Variants in SQOR observed in about 807,000 individuals in gnomAD.
SQOR encodes the protein sulfide:quinone oxidoreductase, mitochondrial.
In SQOR, 39 loss-of-function variants were observed where a neutral mutation model predicts 48.6. The observed-to-expected ratio is 0.80, with a 90% CI of 0.62 to 1.05. SQOR has a LOEUF of 1.05. SQOR is among the 50% of genes least tolerant of loss of function. SQOR has a pLI of 0.00. For synonymous variants in SQOR, 220 were observed against 206.2 expected, an observed-to-expected ratio of 1.07 and a Z score of -0.57; for missense variants, 561 against 559.9, an observed-to-expected ratio of 1.00 and a Z score of -0.02.
rs550156359 is a variant in SQOR at position 45,663,270 on chromosome 15, A to G, written c.405+1145A>G. On this transcript the variant is annotated intron_variant, in intron 3 of 9. Coordinates refer to ENST00000260324, the MANE Select transcript of SQOR (RefSeq NM_021199.4). The stretch of plus-strand genomic sequence containing the variant: ...TGACCTCAAGTGATCCACCTGCCTC[A>G]GCCTCCCAAAGTGTTGGGATTATAG... Among the ~76,000 whole-genome samples, 269 of 152,212 alleles carry G rather than the reference A, an allele frequency of 1.8e-3. 1 individual carries two copies. Among genetic ancestry groups the G allele is most frequent in the African/African-American group, 6.4e-3 (264 of 41,550 alleles).
intron 4 of SQOR, among the ~76,000 whole-genome samples, chr15:45,672,803 A>G (rs1889967872): frequency 6.6e-6 from 1 of 152,240 alleles, no homozygotes; most frequent in African/African-American, 2.4e-5. Context: ...CTGTACATGC[A>G]TGGCCTCATT....
intron 6 of SQOR, among the ~76,000 whole-genome samples, chr15:45,677,475 C>T (rs1258380393): frequency 1.3e-5 from 2 of 152,048 alleles, no homozygotes; most frequent in Non-Finnish European, 2.9e-5. Flanking sequence ...GCATTTTTTC[C>T]TCCAGTGCAG....
intron 6 of SQOR, among the ~76,000 whole-genome samples, chr15:45,680,698 G>C (rs1890111889): frequency 6.6e-6 from 1 of 152,174 alleles, no homozygotes; most frequent in Non-Finnish European, 1.5e-5. Context: ...TTACAGGCAT[G>C]AGCCACTGCA....
At chr15:45,690,082 CTTTT>C (rs11449007) in intron 9 of SQOR, among the ~76,000 whole-genome samples, 5 of 137,006 alleles carry the variant, frequency 3.6e-5, no homozygotes, top group Admixed American at 7.5e-5. Flanking sequence ...CCTCTTCCTC[CTTTT>C]TTTTTTTTTT....
chr15:45,653,957 A>C (rs1391407490), intron 1 of SQOR, among the ~76,000 whole-genome samples: 2 of 152,030 alleles, frequency 1.3e-5, no homozygotes, highest in Admixed American at 6.6e-5. Flanking sequence ...CCCTGTGTCA[A>C]CTAAAAATAC....
At chr15:45,682,687 C>G (rs760709750) in intron 7 of SQOR, 26 bp downstream of exon 7, 3 of 1,608,868 alleles carry the variant, frequency 1.9e-6, no homozygotes, top group South Asian at 2.2e-5. Context: ...CCATTTCTCC[C>G]TTTCTCAAAA....
intron 1 of SQOR, among the ~76,000 whole-genome samples, chr15:45,642,497 C>T (rs938367581): frequency 6.6e-6 from 1 of 152,196 alleles, no homozygotes; most frequent in Non-Finnish European, 1.5e-5. Flanking sequence ...TGCACTTGGC[C>T]TGCAGGTTGC....
intron 1 of SQOR, among the ~76,000 whole-genome samples, chr15:45,638,657 GA>G (rs1406617835): frequency 6.6e-6 from 1 of 151,704 alleles, no homozygotes; most frequent in Non-Finnish European, 1.5e-5. Flanking sequence ...CGGAGAGGAG[GA>G]AGTTGCATTG....
At chr15:45,637,843 G>T (rs1895031639) in intron 1 of SQOR, among the ~76,000 whole-genome samples, 1 of 152,224 alleles carries the variant, frequency 6.6e-6, no homozygotes, top group Non-Finnish European at 1.5e-5. Context: ...AGGCATTTCT[G>T]GGCATAGATG....
At chr15:45,671,108 C>T (rs1188158501) in intron 4 of SQOR, among the ~76,000 whole-genome samples, 1 of 152,144 alleles carries the variant, frequency 6.6e-6, no homozygotes, top group Non-Finnish European at 1.5e-5. Flanking sequence ...TAAAAGTAGC[C>T]ATTATTATGG....
intron 1 of SQOR, among the ~76,000 whole-genome samples, chr15:45,649,193 G>A (rs895473560): frequency 6.6e-6 from 1 of 152,188 alleles, no homozygotes; most frequent in South Asian, 2.1e-4. Context: ...AAGGTATGAA[G>A]TCCCAAAGAC....
At chr15:45,680,357 G>C (rs767457499) in intron 6 of SQOR, among the ~76,000 whole-genome samples, 23 of 152,080 alleles carry the variant, frequency 1.5e-4, no homozygotes, top group Non-Finnish European at 2.4e-4. Flanking sequence ...GCCTCCCAAA[G>C]TGTTGGGATT....
Position 45,677,831 on chromosome 15 carries a change from G to A in SQOR, c.864+1521G>A, listed in dbSNP as rs138733498. 1.1e-3 allele frequency among the ~76,000 whole-genome samples: 170 copies of A among 152,326 alleles called. 1 individual carries two copies. The highest frequency in any genetic ancestry group is 3.9e-3 in the African/African-American group (162 of 41,578). On this transcript the variant is annotated intron_variant, in intron 6 of 9. Coordinates refer to ENST00000260324, the MANE Select transcript of SQOR (RefSeq NM_021199.4). ...TTCTCTTGCCTCAGCTTCATGAGTA[G>A]CTGGGACTACAGGTGTGCACCACCA...
chr15:45,632,195 CCCCTCCCTCCCT>C (rs369732540), upstream of SQOR, among the ~76,000 whole-genome samples: 13 of 126,512 alleles, frequency 1.0e-4, no homozygotes, highest in African/African-American at 4.1e-4. Context: ...CCCCTCCCCT[CCCCTCCCTCCCT>C]CCCTCCCTCC....
intron 4 of SQOR, among the ~76,000 whole-genome samples, chr15:45,670,237 A>G (rs1484597610): frequency 1.3e-5 from 2 of 152,186 alleles, no homozygotes; most frequent in Non-Finnish European, 2.9e-5. Flanking sequence ...ATTCTTGCAA[A>G]ACAGCAGTTT....
chr15:45,658,153 C>G (rs192409224), intron 1 of SQOR, among the ~76,000 whole-genome samples: 1 of 152,312 alleles, frequency 6.6e-6, no homozygotes, highest in Admixed American at 6.5e-5. Flanking sequence ...TAATAAAAGA[C>G]TAGTCAGCAG....
At chr15:45,650,493 TCAAAGAGCGAGCAACAGCAAGATTTATGG>T (rs1256244828) in intron 1 of SQOR, among the ~76,000 whole-genome samples, 2 of 152,154 alleles carry the variant, frequency 1.3e-5, no homozygotes, top group African/African-American at 4.8e-5. Flanking sequence ...CAGTGTGGAC[TCAAAGAGCGAGCAACAGCAAGATTTATGG>T]CAAAGAGCAA....
At chr15:45,653,664 CCCCT>C (rs1889540491) in intron 1 of SQOR, among the ~76,000 whole-genome samples, 1 of 152,090 alleles carries the variant, frequency 6.6e-6, no homozygotes, top group Non-Finnish European at 1.5e-5. Flanking sequence ...GGTGACCAGC[CCCCT>C]CCTGAAGCCA....
intron 1 of SQOR, among the ~76,000 whole-genome samples, chr15:45,657,480 T>A (rs2140946571): frequency 6.6e-6 from 1 of 152,290 alleles, no homozygotes; most frequent in Non-Finnish European, 1.5e-5. Flanking sequence ...TCTAGACTCC[T>A]GGAAACACTG....
Sources: allele counts gnomAD v4.1 joint callset (sites outside exome capture counted in the v4.1 genomes callset), GRCh38; gene constraint gnomAD v4.1.1; transcripts MANE v1.5; gene names NCBI Gene and HGNC (gene_info 2026-07-23, HGNC 2026-07-21).